Variants in XKR6 observed in about 807,000 individuals in gnomAD.
XKR6 encodes the protein XK related 6.
Under a neutral mutation model 56.7 loss-of-function variants are expected in XKR6, and 22 were observed. The ratio of observed to expected loss-of-function variants is 0.39; its 90% CI spans 0.28 to 0.55. The LOEUF (loss-of-function observed/expected upper bound fraction) is 0.55, where lower values mean the gene tolerates loss of function less well. Ranked by LOEUF, XKR6 falls within the 20% of genes least tolerant of loss-of-function variation. The probability of loss-of-function intolerance (pLI) is 0.66; values close to 1 mark genes in which losing one functional copy is unlikely to be tolerated. For missense variants in XKR6, 852 were observed against 889.0 expected (o/e 0.96, Z 0.53); for synonymous variants, 524 against 387.8 (o/e 1.35, Z -4.13).
chr8:11,061,346 G>C (rs1799828728), intron 1 of XKR6, among the ~76,000 whole-genome samples: 1 of 152,098 alleles, frequency 6.6e-6, no homozygotes, highest in Non-Finnish European at 1.5e-5. Flanking sequence ...TGCACCTGTA[G>C]TCCCAGCTAC....
chr8:10,937,692 T>G (rs1490656807), intron 1 of XKR6, among the ~76,000 whole-genome samples: 7 of 146,986 alleles, frequency 4.8e-5, no homozygotes, highest in Non-Finnish European at 6.1e-5. Flanking sequence ...TGCTGGGGGG[T>G]GCCTCCCAGT....
At chr8:11,008,595 T>C (rs928631015) in intron 1 of XKR6, among the ~76,000 whole-genome samples, 6 of 152,128 alleles carry the variant, frequency 3.9e-5, no homozygotes, top group Non-Finnish European at 8.8e-5. Flanking sequence ...TAATTTTTTC[T>C]TTTTTTAGTA....
At chr8:11,042,041 C>T (rs1799299194) in intron 1 of XKR6, among the ~76,000 whole-genome samples, 1 of 152,174 alleles carries the variant, frequency 6.6e-6, no homozygotes, top group African/African-American at 2.4e-5. Context: ...TGTAATTTTG[C>T]AGTGGTCCTT....
At chr8:10,902,089 G>T (rs1800051775) in intron 2 of XKR6, among the ~76,000 whole-genome samples, 1 of 152,152 alleles carries the variant, frequency 6.6e-6, no homozygotes. Flanking sequence ...AACTACTCTT[G>T]TTTCAGCCGA....
chr8:11,028,363 C>T (rs1021620507), intron 1 of XKR6, among the ~76,000 whole-genome samples: 7 of 152,220 alleles, frequency 4.6e-5, no homozygotes, highest in African/African-American at 1.4e-4. Flanking sequence ...CTGACGGACA[C>T]CTTGCTTGTT....
chr8:10,968,623 G>A (rs938937862), intron 1 of XKR6, among the ~76,000 whole-genome samples: 7 of 152,222 alleles, frequency 4.6e-5, no homozygotes, highest in Admixed American at 3.9e-4. Context: ...GCCCACCACT[G>A]TATTACCTTC....
intron 2 of XKR6, among the ~76,000 whole-genome samples, chr8:10,907,903 C>T (rs1390907161): frequency 6.6e-6 from 1 of 152,198 alleles, no homozygotes; most frequent in East Asian, 1.9e-4. Context: ...CCTGAATTGC[C>T]GGAATGGCCT....
intron 1 of XKR6, among the ~76,000 whole-genome samples, chr8:11,058,703 C>G (rs1445000818): frequency 3.9e-5 from 6 of 151,998 alleles, no homozygotes; most frequent in Admixed American, 3.9e-4. Flanking sequence ...GGGGTCAAGT[C>G]GAGGGAGAGC....
intron 2 of XKR6, among the ~76,000 whole-genome samples, chr8:10,911,199 C>CGTGT (rs745616432): frequency 0.018 from 2,230 of 126,298 alleles, 34 homozygotes; most frequent in South Asian, 0.035. Flanking sequence ...AGAGGGTGTG[C>CGTGT]GTGTGTGTGT....
At chr8:11,040,662 A>T (rs1266827928) in intron 1 of XKR6, among the ~76,000 whole-genome samples, 1 of 152,168 alleles carries the variant, frequency 6.6e-6, no homozygotes, top group Non-Finnish European at 1.5e-5. Context: ...TGGTTCGTAG[A>T]CGATGCCTTC....
At chr8:11,150,111 G>T (rs1007567839) in intron 1 of XKR6, among the ~76,000 whole-genome samples, 2 of 152,124 alleles carry the variant, frequency 1.3e-5, no homozygotes, top group African/African-American at 4.8e-5. Flanking sequence ...ATGAAGACAG[G>T]ATGGCTAATG....
intron 1 of XKR6, among the ~76,000 whole-genome samples, chr8:11,157,698 C>T (rs995600021): frequency 2.0e-5 from 3 of 152,056 alleles, no homozygotes; most frequent in African/African-American, 7.2e-5. Context: ...TGGGGTTTTT[C>T]TGGTAGAGAT....
At chr8:11,025,811 G>A (rs553300369) in intron 1 of XKR6, among the ~76,000 whole-genome samples, 44 of 152,118 alleles carry the variant, frequency 2.9e-4, no homozygotes, top group Non-Finnish European at 5.4e-4. Context: ...GGAGGGAGGC[G>A]TAGCACTGCC....
At chr8:11,199,234 C>T (rs1268281755) in intron 1 of XKR6, among the ~76,000 whole-genome samples, 2 of 152,322 alleles carry the variant, frequency 1.3e-5, no homozygotes, top group East Asian at 3.9e-4. Flanking sequence ...ACCCTCACTT[C>T]CCCTAGCCTG....
chr8:11,026,788 T>C (rs1330524684), intron 1 of XKR6, among the ~76,000 whole-genome samples: 1 of 151,784 alleles, frequency 6.6e-6, no homozygotes, highest in Admixed American at 6.6e-5. Flanking sequence ...ACTACACACC[T>C]AGATGGTCTA....
At chr8:11,192,631 C>A (rs1434573174) in intron 1 of XKR6, among the ~76,000 whole-genome samples, 1 of 152,090 alleles carries the variant, frequency 6.6e-6, no homozygotes, top group Admixed American at 6.5e-5. Context: ...AAAAAAATTA[C>A]TGAAGCCAAG....
chr8:10,931,536 T>C (rs1801048820), intron 1 of XKR6, among the ~76,000 whole-genome samples: 1 of 152,092 alleles, frequency 6.6e-6, no homozygotes, highest in Non-Finnish European at 1.5e-5. Context: ...TACAGCACAG[T>C]GTAGCATTGG....
Position 11,027,141 on chromosome 8 carries a change from T to C in XKR6, c.765-102311A>G, listed in dbSNP as rs137950090. 7.0e-3 allele frequency among the ~76,000 whole-genome samples: 1,065 copies of C among 152,302 alleles called. 21 individuals are homozygous for C. Among genetic ancestry groups the C allele is most frequent in the African/African-American group, 0.024 (1,015 of 41,564 alleles). ...TAGGCTACAAACCTGTACAGTACAATACTGTACTGAATACAGTAGGCAGTT... is the reference window on the plus strand; with the variant it reads ...TAGGCTACAAACCTGTACAGTACAACACTGTACTGAATACAGTAGGCAGTT... On this transcript the variant is annotated intron_variant, in intron 1 of 2. Transcript: ENST00000416569.
At chr8:11,038,497 T>G (rs976260357) in intron 1 of XKR6, among the ~76,000 whole-genome samples, 66 of 130,128 alleles carry the variant, frequency 5.1e-4, no homozygotes, top group Non-Finnish European at 7.7e-4. Context: ...TGTAGTCATT[T>G]TGTGTGTGTG....
Sources: gnomAD v4.1 joint callset for allele counts (sites outside exome capture counted in the v4.1 genomes callset) on GRCh38, gnomAD v4.1.1 for gene constraint, MANE v1.5 for transcripts, NCBI Gene and HGNC (gene_info 2026-07-23, HGNC 2026-07-21) for gene names.